Variants in FAM234B observed in about 807,000 individuals in gnomAD.
FAM234B encodes protein FAM234B.
In FAM234B, 33 loss-of-function variants were observed where a neutral mutation model predicts 69.3. That is an observed-to-expected ratio of 0.48 (90% CI 0.36 to 0.64). FAM234B has a LOEUF of 0.64. Ranked by LOEUF, FAM234B falls within the 30% of genes least tolerant of loss-of-function variation. FAM234B has a pLI of 0.00. For synonymous variants in FAM234B, 306 were observed against 306.9 expected (o/e 1.00, Z 0.03); for missense variants, 697 against 769.7 (o/e 0.91, Z 1.12).
At chr12:13,060,544 G>A (rs928038369) in intron 3 of FAM234B, among the ~76,000 whole-genome samples, 1 of 152,186 alleles carries the variant, frequency 6.6e-6, no homozygotes, top group Non-Finnish European at 1.5e-5. Context: ...AGGGATCCTA[G>A]CACCTTTGAG....
intron 12 of FAM234B, among the ~76,000 whole-genome samples, chr12:13,080,392 C>T (rs942260817): frequency 1.3e-5 from 2 of 152,140 alleles, no homozygotes; most frequent in African/African-American, 4.8e-5. Flanking sequence ...CTAATGTTCC[C>T]TCCCCATCCC....
At chr12:13,076,282 C>T (rs746357159) in intron 11 of FAM234B, 139 bp downstream of exon 11, 3 of 694,930 alleles carry the variant, frequency 4.3e-6, no homozygotes, top group Non-Finnish European at 7.6e-6. Flanking sequence ...CCCTGGTGTC[C>T]CTGGTGCCTC....
chr12:13,047,894 G>A (rs1259878958), intron 1 of FAM234B, among the ~76,000 whole-genome samples: 2 of 151,966 alleles, frequency 1.3e-5, no homozygotes, highest in Admixed American at 6.6e-5. Flanking sequence ...GTTGGTGGAC[G>A]TCTTTTACTT....
chr12:13,075,898 A>G lies in FAM234B; in HGVS notation c.1525-128A>G, dbSNP rs527642497. The G allele has an allele frequency of 1.3e-4, 97 of 753,094 alleles. No homozygotes were observed. The African/African-American group carries it at 1.5e-3, about 12-fold the overall frequency. The allele number at this position is 753,094 out of a possible 1,614,324, so 46.7% of individuals were successfully genotyped here. A position where few individuals can be genotyped will look rare whatever the true frequency, so the allele number is the denominator to read the frequency against. ...TTCTTTCAAACACATTCTTGTAGTTAGGATCAGGCATTAGCATCTGAGAGG... is the reference window on the plus strand; with the variant it reads ...TTCTTTCAAACACATTCTTGTAGTTGGGATCAGGCATTAGCATCTGAGAGG... On this transcript the variant is annotated intron_variant, in intron 10 of 12. Coordinates refer to ENST00000197268, the MANE Select transcript of FAM234B (RefSeq NM_020853.2).
chr12:13,047,656 G>T (rs10492247), intron 1 of FAM234B, among the ~76,000 whole-genome samples: 36,501 of 152,048 alleles, frequency 0.24, 5,356 homozygotes, highest in East Asian at 0.53. Context: ...TGTGGAAAGC[G>T]CATTTATAAT....
rs1248785124 is a variant in FAM234B, at chr12:13,044,441, G to C, written c.37+1G>C. ...CTGTCCAGGGCGCTCAAGCTGCCGG[G>C]TAAGGAGTCGCATGCTTGCGACCAC... On this transcript the variant is annotated splice_donor_variant, in intron 1 of 12. Transcript: ENST00000197268. LOFTEE classifies it high-confidence loss of function. The surrounding 1 kb of genome is among the most constrained non-coding windows in gnomAD (Gnocchi z 5.6). 1 of 1,551,334 alleles carries C rather than the reference G, an allele frequency of 6.4e-7. No homozygotes were observed. Among genetic ancestry groups the C allele is most frequent in the South Asian group, 1.2e-5 (1 of 84,098 alleles).
intron 5 of FAM234B, 36 bp downstream of exon 5, chr12:13,063,011 G>A (rs764012164): frequency 1.2e-6 from 2 of 1,607,462 alleles, no homozygotes; most frequent in South Asian, 2.2e-5. Context: ...GTTTCTTATA[G>A]GGACTGCTTC....
intron 1 of FAM234B, among the ~76,000 whole-genome samples, chr12:13,054,009 G>A (rs551727210): frequency 3.6e-4 from 55 of 152,304 alleles, no homozygotes; most frequent in Admixed American, 9.8e-4. Flanking sequence ...ACCCGACCCC[G>A]CAGGCAGTCA....
At chr12:13,059,183 C>A (rs1416490689) in intron 3 of FAM234B, among the ~76,000 whole-genome samples, 1 of 152,194 alleles carries the variant, frequency 6.6e-6, no homozygotes, top group Non-Finnish European at 1.5e-5. Context: ...CTGGCTCCCT[C>A]CCCGCCGGGG....
At chr12:13,066,618 C>T (rs748555453) in intron 5 of FAM234B, 22 bp from the exon 6 acceptor site, 2 of 1,599,184 alleles carry the variant, frequency 1.3e-6, no homozygotes, top group Middle Eastern at 1.7e-4. Flanking sequence ...ATTGACTCCA[C>T]CCCCCTCTCT....
intron 11 of FAM234B, among the ~76,000 whole-genome samples, chr12:13,076,622 G>A (rs1565512725): frequency 6.6e-6 from 1 of 152,216 alleles, no homozygotes; most frequent in Non-Finnish European, 1.5e-5. Context: ...ACCCTGCATA[G>A]AAATTGGAGA....
intron 9 of FAM234B, among the ~76,000 whole-genome samples, chr12:13,069,023 T>C (rs980489033): frequency 1.5e-4 from 23 of 152,190 alleles, no homozygotes; most frequent in African/African-American, 5.3e-4. Context: ...AGAAATGTAA[T>C]GCTTTAACAC....
chr12:13,066,134 C>T (rs1323235813), intron 5 of FAM234B, among the ~76,000 whole-genome samples: 2 of 152,190 alleles, frequency 1.3e-5, no homozygotes, highest in African/African-American at 4.8e-5. Flanking sequence ...ATCTAGCTGG[C>T]AAAGGCTAAA....
intron 10 of FAM234B, among the ~76,000 whole-genome samples, chr12:13,072,363 C>G (rs1327986251): frequency 1.3e-5 from 2 of 152,250 alleles, no homozygotes; most frequent in Middle Eastern, 3.4e-3. Flanking sequence ...GGCAATTTAC[C>G]TAACATTTCA....
Position 13,053,324 on chromosome 12 carries a change from A to G in FAM234B, c.38-2227A>G, listed in dbSNP as rs1206646667. Among the ~76,000 whole-genome samples the G allele has an allele frequency of 3.9e-5, 6 of 152,280 alleles. No homozygotes were observed. In the East Asian group the frequency reaches 9.6e-4, roughly 24 times the overall value. On this transcript the variant is annotated intron_variant, in intron 1 of 12. Coordinates refer to ENST00000197268, the MANE Select transcript of FAM234B (RefSeq NM_020853.2). The stretch of plus-strand genomic sequence containing the variant: ...TTTATTGATTTTTTTAATGTACCAA[A>G]TACTAACTTTAAACATCAAAGGTTT...
At chr12:13,052,982 T>C (rs1864891062) in intron 1 of FAM234B, among the ~76,000 whole-genome samples, 1 of 152,210 alleles carries the variant, frequency 6.6e-6, no homozygotes, top group Admixed American at 6.5e-5. Context: ...TGTGCCCTAA[T>C]TAACCAAATA....
chr12:13,063,554 TAGG>T (rs1865006973), intron 5 of FAM234B, among the ~76,000 whole-genome samples: 1 of 152,200 alleles, frequency 6.6e-6, no homozygotes, highest in South Asian at 2.1e-4. Flanking sequence ...TGTCATAATC[TAGG>T]CTGTGACAAG....
In FAM234B at chr12:13,068,294, T is replaced by C. The variant is rs780147440; in HGVS notation, c.1143-10T>C. On this transcript the variant is annotated splice_polypyrimidine_tract_variant and intron_variant, in intron 7 of 12. Coordinates refer to ENST00000197268, the MANE Select transcript of FAM234B (RefSeq NM_020853.2). ...CCAGAGACTAACCGTTGGGGTCTTA[T>C]TTAACCCAGTGATGGTGTTGAACTA... is the stretch of plus-strand genomic sequence containing the variant. 1.4e-5 allele frequency: 22 copies of C among 1,613,920 alleles called. No individual in the cohort carries two copies. Among genetic ancestry groups the C allele is most frequent in the African/African-American group, 6.7e-5 (5 of 74,936 alleles).
chr12:13,053,517 A>C (rs2120451609), intron 1 of FAM234B, among the ~76,000 whole-genome samples: 1 of 152,258 alleles, frequency 6.6e-6, no homozygotes, highest in East Asian at 1.9e-4. Context: ...TAGGTCCGTG[A>C]TGTCCCCTGA....
Sources: allele counts gnomAD v4.1 joint callset (sites outside exome capture counted in the v4.1 genomes callset), GRCh38; gene constraint gnomAD v4.1.1; non-coding constraint Gnocchi (gnomAD v3.1); transcripts MANE v1.5; gene names NCBI Gene and HGNC (gene_info 2026-07-23, HGNC 2026-07-21).